The following PSMD1 variants were observed in gnomAD, a reference collection of about 807,000 sequenced individuals.
PSMD1 encodes 26S proteasome non-ATPase regulatory subunit 1.
In PSMD1, 18 loss-of-function variants were observed where a neutral mutation model predicts 119.0. The ratio of observed to expected loss-of-function variants is 0.15; its 90% CI spans 0.10 to 0.22. The LOEUF is 0.22. Among genes scored for constraint, PSMD1 ranks in the 10% least tolerant of loss-of-function variants. The pLI is 1.00. For synonymous variants in PSMD1, 374 were observed against 396.6 expected (o/e 0.94, Z 0.68); for missense variants, 702 against 1,158.5 (o/e 0.61, Z 5.72).
At chr2:231,171,549 A>ATTTT (rs568576394) in intron 24 of PSMD1, among the ~76,000 whole-genome samples, 51 of 117,254 alleles carry the variant, frequency 4.3e-4, no homozygotes, top group African/African-American at 1.2e-3. Context: ...TTTTCAGACA[A>ATTTT]TTTTTTTTTT....
At chr2:231,161,730 A>G (rs1489874056) in intron 20 of PSMD1, among the ~76,000 whole-genome samples, 1 of 152,240 alleles carries the variant, frequency 6.6e-6, no homozygotes, top group Non-Finnish European at 1.5e-5. Context: ...TCAAGTAATT[A>G]GTTGAGAAAG....
At chr2:231,086,169 A>G (rs1319217035) in intron 15 of PSMD1, among the ~76,000 whole-genome samples, 1 of 151,868 alleles carries the variant, frequency 6.6e-6, no homozygotes, top group African/African-American at 2.4e-5. Context: ...TCAGCTTCCC[A>G]TGTAGCTAGA....
At chr2:231,080,453 TAGGTAA>T in intron 12 of PSMD1, 139 bp downstream of exon 12, 2 of 705,160 alleles carry the variant, frequency 2.8e-6, no homozygotes, top group Non-Finnish European at 2.2e-6. Flanking sequence ...TTTTTTTTTT[TAGGTAA>T]TTTCATTTCC....
chr2:231,162,192 TTTCTTAGTCCTGTGACTTG>T (rs1574778418), intron 20 of PSMD1, among the ~76,000 whole-genome samples: 1 of 152,350 alleles, frequency 6.6e-6, no homozygotes, highest in East Asian at 1.9e-4. Flanking sequence ...TGTTTAGGTC[TTTCTTAGTCCTGTGACTTG>T]ATGATTCATC....
At chr2:231,106,607 G>T (rs1342694520) in intron 16 of PSMD1, among the ~76,000 whole-genome samples, 1 of 151,850 alleles carries the variant, frequency 6.6e-6, no homozygotes, top group Non-Finnish European at 1.5e-5. Flanking sequence ...AACAGAGTGA[G>T]AATCTGTCTC....
chr2:231,126,336 C>T (rs1695719826), intron 16 of PSMD1, among the ~76,000 whole-genome samples: 1 of 151,896 alleles, frequency 6.6e-6, no homozygotes, highest in Non-Finnish European at 1.5e-5. Flanking sequence ...CAGGGGAGAC[C>T]TGAGGCAGGA....
At chr2:231,094,361 A>G (rs1293132650) in intron 16 of PSMD1, among the ~76,000 whole-genome samples, 3 of 152,282 alleles carry the variant, frequency 2.0e-5, no homozygotes, top group Non-Finnish European at 2.9e-5. Context: ...CCATAAGCCA[A>G]TGGGCCAGGC....
chr2:231,144,273 CAG>C (rs1696200416), intron 17 of PSMD1, among the ~76,000 whole-genome samples: 1 of 148,058 alleles, frequency 6.8e-6, no homozygotes, highest in Non-Finnish European at 1.5e-5. Context: ...TTTTTGGAGA[CAG>C]AGTTTCACTC....
intron 17 of PSMD1, among the ~76,000 whole-genome samples, chr2:231,141,993 C>G (rs1696131065): frequency 6.6e-6 from 1 of 152,198 alleles, no homozygotes; most frequent in Non-Finnish European, 1.5e-5. Flanking sequence ...AACGATTCTC[C>G]TGCCTCAGCT....
At position 231,076,853 on chromosome 2, in the gene PSMD1, G is replaced by A. The variant is rs565171902; in HGVS notation, c.943-181G>A. On this transcript the variant is annotated intron_variant, in intron 8 of 24. Transcript: ENST00000308696. ...ATCGAAAGCTAGCTGGGGATGAATT[G>A]TATTCTTCCATCAAGCTAGTATCAT... Among the ~76,000 whole-genome samples the A allele has an allele frequency of 1.2e-4, 19 of 152,242 alleles. No homozygotes were observed. In the South Asian group the frequency reaches 3.9e-3, roughly 32 times the overall value.
chr2:231,143,616 T>C (rs748120559), intron 17 of PSMD1, among the ~76,000 whole-genome samples: 1 of 152,212 alleles, frequency 6.6e-6, no homozygotes, highest in Admixed American at 6.5e-5. Flanking sequence ...TTTGATCAAA[T>C]ACATTGGACA....
chr2:231,108,323 T>C, intron 16 of PSMD1: 1 of 544,676 alleles, frequency 1.8e-6, no homozygotes, highest in Non-Finnish European at 3.2e-6. Flanking sequence ...CATTTGTAGC[T>C]ATATAAAATT....
intron 1 of PSMD1, among the ~76,000 whole-genome samples, chr2:231,058,216 C>T (rs1693658898): frequency 6.6e-6 from 1 of 152,190 alleles, no homozygotes; most frequent in Admixed American, 6.5e-5. Flanking sequence ...TTTCTTGCCA[C>T]CTATAGGCCT....
At chr2:231,123,437 T>C (rs771373510) in intron 16 of PSMD1, 2 of 1,613,758 alleles carry the variant, frequency 1.2e-6, no homozygotes, top group Non-Finnish European at 1.7e-6. Context: ...AAGAGGGCAA[T>C]TGGCATCACA....
chr2:231,126,566 TAGC>T (rs1287746379), intron 16 of PSMD1, among the ~76,000 whole-genome samples: 1 of 152,172 alleles, frequency 6.6e-6, no homozygotes, highest in Non-Finnish European at 1.5e-5. Context: ...AGATTGAAAA[TAGC>T]AGCACCATTT....
intron 16 of PSMD1, among the ~76,000 whole-genome samples, chr2:231,120,509 A>G (rs1313030396): frequency 6.6e-6 from 1 of 152,238 alleles, no homozygotes; most frequent in Non-Finnish European, 1.5e-5. Flanking sequence ...GAAGTGGCAG[A>G]AAAATTGACC....
intron 16 of PSMD1, chr2:231,113,861 C>A (rs145931518): frequency 6.2e-7 from 1 of 1,613,826 alleles, no homozygotes; most frequent in African/African-American, 1.3e-5. Flanking sequence ...ATGATGGATG[C>A]GGTTGAAAAG....
chr2:231,090,295 C>T (rs1694558254), intron 16 of PSMD1, among the ~76,000 whole-genome samples: 1 of 152,238 alleles, frequency 6.6e-6, no homozygotes, highest in Non-Finnish European at 1.5e-5. Flanking sequence ...GTAATCCCAG[C>T]ACTTTGGGAA....
At chr2:231,092,681 C>G (rs1357637033) in intron 16 of PSMD1, among the ~76,000 whole-genome samples, 2 of 152,272 alleles carry the variant, frequency 1.3e-5, no homozygotes, top group Non-Finnish European at 2.9e-5. Context: ...AGTGGGGGCT[C>G]TAGTCTAAGA....
Sources: gnomAD v4.1 joint callset for allele counts (sites outside exome capture counted in the v4.1 genomes callset) on GRCh38, gnomAD v4.1.1 for gene constraint, MANE v1.5 for transcripts, NCBI Gene and HGNC (gene_info 2026-07-23, HGNC 2026-07-21) for gene names.